The following FAM177B variants were observed in gnomAD, a reference collection of about 807,000 sequenced individuals.
FAM177B encodes the protein protein FAM177B.
A neutral mutation model predicts 16.1 loss-of-function variants in FAM177B; 16 were observed. The ratio of observed to expected loss-of-function variants is 0.99; its 90% CI spans 0.67 to 1.51. FAM177B has a LOEUF of 1.51. Among genes scored for constraint, FAM177B ranks in the 40% most tolerant of loss-of-function variants. The pLI is 0.00. For synonymous variants in FAM177B, 56 were observed against 59.9 expected, an observed-to-expected ratio of 0.93 and a Z score of 0.30; for missense variants, 178 against 183.7, an observed-to-expected ratio of 0.97 and a Z score of 0.18.
intron 2 of FAM177B, among the ~76,000 whole-genome samples, chr1:222,739,211 A>T (rs1658417813): frequency 6.6e-6 from 1 of 152,154 alleles, no homozygotes; most frequent in South Asian, 2.1e-4. Context: ...TTATTTTTAA[A>T]CTTTTGATAT....
Position 222,749,906 on chromosome 1 carries a change from T to C in FAM177B, c.340-15T>C. 3 of 1,613,786 alleles carry C rather than the reference T, an allele frequency of 1.9e-6. No individual in the cohort carries two copies. The South Asian group carries it at 3.3e-5, about 18-fold the overall frequency. ...TTTGTACAGTTAAACATTTCCTTAT[T>C]TCTCTCCAAAACAGAAAAGTGACAA... On this transcript the variant is annotated splice_polypyrimidine_tract_variant and intron_variant, in intron 5 of 5. Coordinates refer to ENST00000445590, the MANE Select transcript of FAM177B (RefSeq NM_001394345.1).
intron 4 of FAM177B, among the ~76,000 whole-genome samples, chr1:222,748,358 G>A (rs192780592): frequency 7.4e-4 from 113 of 152,328 alleles, no homozygotes; most frequent in African/African-American, 2.5e-3. Flanking sequence ...ATGGGATTGA[G>A]AGTATGGAGA....
Position 222,750,634 on chromosome 1 carries a change from A to G in FAM177B, c.*576A>G, listed in dbSNP as rs1659009052. 4.4e-6 allele frequency: 3 copies of G among 683,028 alleles called. No homozygotes were observed. The highest frequency in any genetic ancestry group is 5.4e-6 in the Non-Finnish European group (3 of 554,426). The allele number at this position is 683,028 out of a possible 1,614,324, so 42.3% of individuals were successfully genotyped here. A position where few individuals can be genotyped will look rare whatever the true frequency, so the allele number is the denominator to read the frequency against. On this transcript the variant is annotated 3_prime_UTR_variant, in exon 6 of 6. Coordinates refer to ENST00000445590, the MANE Select transcript of FAM177B (RefSeq NM_001394345.1). ...AATTAGGTACATCCCTCCAAATTAA[A>G]ACAATTGATAAATAATATAAGCTCT...
chr1:222,749,631 T>C, intron 5 of FAM177B, 69 bp downstream of exon 5: 1 of 917,010 alleles, frequency 1.1e-6, no homozygotes, highest in Non-Finnish European at 1.7e-6. Flanking sequence ...TTTAGGCCAG[T>C]ATAGAGAAGT....
Position 222,746,677 on chromosome 1 carries a change from A to G in FAM177B, c.132A>G (p.Glu44=). The change falls in exon 3 of 6, where the codon GAA becomes GAG. Residue 44 remains glutamate (E), a synonymous_variant. Coordinates refer to ENST00000445590, the MANE Select transcript of FAM177B (RefSeq NM_001394345.1). ...AATATAGCACAGAGGAGGAGGAGGA[A>G]GAGGAAAAGGAGGAGCAGAGCACAA... The part of the protein sequence containing the change: ...MEEYSTEEEE[E]EEKEEQSTNS... The G allele has an allele frequency of 6.2e-7, 1 of 1,613,590 alleles. No individual in the cohort carries two copies. Among genetic ancestry groups the G allele is most frequent in the Non-Finnish European group, 8.5e-7 (1 of 1,179,570 alleles).
Position 222,750,514 on chromosome 1 carries a change from C to T in FAM177B, c.*456C>T. The T allele has an allele frequency of 1.0e-6, 1 of 986,638 alleles. No homozygotes were observed. The highest frequency in any genetic ancestry group is 1.2e-6 in the Non-Finnish European group (1 of 830,802). The allele number at this position is 986,638 out of a possible 1,614,324, so 61.1% of individuals were successfully genotyped here. On this transcript the variant is annotated 3_prime_UTR_variant, in exon 6 of 6. Coordinates refer to ENST00000445590, the MANE Select transcript of FAM177B (RefSeq NM_001394345.1). ...CTTTCAGGATTTGATATAGTGTGTACTTCCAACAACCATCCTGGCGTAGTT... is the reference window on the plus strand; with the variant it reads ...CTTTCAGGATTTGATATAGTGTGTATTTCCAACAACCATCCTGGCGTAGTT...
Position 222,750,041 on chromosome 1 carries a change from G to A in FAM177B, c.460G>A (p.Glu154Lys), listed in dbSNP as rs1289032831. 3.1e-6 allele frequency: 5 copies of A among 1,613,674 alleles called. No individual in the cohort carries two copies. The South Asian group carries it at 3.3e-5, about 11-fold the overall frequency. Reference sequence around the variant, plus strand: ...TGGAACCATACAACAGGATGTGACAGAGGCCATTCCTCAGTGAAGCACCTC... The same window carrying A: ...TGGAACCATACAACAGGATGTGACAAAGGCCATTCCTCAGTGAAGCACCTC... The part of the protein sequence containing the change: ...EYGTIQQDVT[E>K]AIPQ Residue 154 changes from glutamate (E) to lysine (K), a missense_variant, in exon 6 of 6, where the codon GAG becomes AAG. Transcript: ENST00000445590.
Position 222,750,143 on chromosome 1 carries a change from G to A in FAM177B, c.*85G>A, listed in dbSNP as rs953477999. The stretch of plus-strand genomic sequence containing the variant: ...GCAGTTTCCCTGGATCTGTTCCTTG[G>A]CCATTGATTACCATGGCAACAACAC... On this transcript the variant is annotated 3_prime_UTR_variant, in exon 6 of 6. Coordinates refer to ENST00000445590, the MANE Select transcript of FAM177B (RefSeq NM_001394345.1). 1.3e-6 allele frequency: 2 copies of A among 1,546,068 alleles called. No homozygotes were observed.
At chr1:222,749,872 A>G in intron 5 of FAM177B, 49 bp from the exon 6 acceptor site, 1 of 1,595,822 alleles carries the variant, frequency 6.3e-7, no homozygotes, top group East Asian at 2.2e-5. Flanking sequence ...GGGAGTTCAG[A>G]GGTCTTTGTT....
chr1:222,744,354 C>A (rs1658692449), intron 2 of FAM177B, among the ~76,000 whole-genome samples: 1 of 151,938 alleles, frequency 6.6e-6, no homozygotes, highest in African/African-American at 2.4e-5. Context: ...TGCCTGTAGT[C>A]CCAGCTATTC....
Position 222,750,237 on chromosome 1 carries a change from T to C in FAM177B, c.*179T>C. The C allele has an allele frequency of 7.1e-7, 1 of 1,406,574 alleles. No homozygotes were observed. Among genetic ancestry groups the C allele is most frequent in the South Asian group, 1.8e-5 (1 of 56,886 alleles). The allele number at this position is 1,406,574 out of a possible 1,614,324, so 87.1% of individuals were successfully genotyped here. A position where few individuals can be genotyped will look rare whatever the true frequency, so the allele number is the denominator to read the frequency against. ...TGACTTAGTCTCAAGCATCCAGGAA[T>C]TACAAGCAATAATGAGAGTAATTTT... On this transcript the variant is annotated 3_prime_UTR_variant, in exon 6 of 6. Transcript: ENST00000445590.
At chr1:222,747,184 A>T (rs2125064715) in intron 4 of FAM177B, 103 bp downstream of exon 4, 1 of 801,190 alleles carries the variant, frequency 1.2e-6, no homozygotes, top group East Asian at 2.5e-5. Flanking sequence ...ACTCCATCGC[A>T]TCCTGAATAA....
In FAM177B at chr1:222,750,322, G is replaced by C. The variant is rs926323998; in HGVS notation, c.*264G>C. The C allele has an allele frequency of 1.6e-6, 2 of 1,256,966 alleles. No individual in the cohort carries two copies. The highest frequency in any genetic ancestry group is 2.0e-6 in the Non-Finnish European group (2 of 998,036). 77.9% of individuals were successfully genotyped at this position (1,256,966 alleles called of 1,614,324 possible). On this transcript the variant is annotated 3_prime_UTR_variant, in exon 6 of 6. Transcript: ENST00000445590. ...CACCCCACCTCAACTCCACCCCTGT[G>C]ATACAAGTCCCATGAGTACTGACAT...
chr1:222,739,033 A>G (rs1658410822), intron 2 of FAM177B, among the ~76,000 whole-genome samples: 1 of 152,192 alleles, frequency 6.6e-6, no homozygotes. Context: ...AAGAACGAAG[A>G]CTGGTATTTT....
intron 5 of FAM177B, 61 bp from the exon 6 acceptor site, chr1:222,749,860 G>C (rs1375668909): frequency 2.6e-6 from 4 of 1,545,642 alleles, no homozygotes; most frequent in Non-Finnish European, 3.6e-6. Flanking sequence ...ATATACAAGA[G>C]GGGGAGTTCA....
chr1:222,748,021 G>A (rs1000436359), intron 4 of FAM177B, among the ~76,000 whole-genome samples: 3 of 152,180 alleles, frequency 2.0e-5, no homozygotes, highest in African/African-American at 7.2e-5. Context: ...AAGTGTGGCT[G>A]GCTAAGGCTA....
rs745766139 is a variant in FAM177B, at chr1:222,737,323, G to GT, written c.-134+2dup. 6.6e-5 allele frequency: 10 copies of GT among 152,660 alleles called. No individual in the cohort carries two copies. Among genetic ancestry groups the GT allele is most frequent in the Non-Finnish European group, 1.3e-4 (9 of 68,266 alleles). The allele number at this position is 152,660 out of a possible 1,614,324, so 9.5% of individuals were successfully genotyped here. ...GTGGAATATGGAGTGTTCAGTGTTG[G>GT]TAAGTGCTAAGGAGAAAAAATGAAA... On this transcript the variant is annotated splice_donor_variant, in intron 1 of 5. Transcript: ENST00000445590. LOFTEE classifies it low-confidence loss of function (5UTR_SPLICE).
chr1:222,749,353 T>C (rs1284529481), intron 4 of FAM177B, 112 bp from the exon 5 acceptor site: 5 of 625,462 alleles, frequency 8.0e-6, no homozygotes, highest in Non-Finnish European at 1.4e-5. Flanking sequence ...TTAAGTATAG[T>C]AATAGACCAC....
At chr1:222,738,893 A>G (rs1658405293) in intron 2 of FAM177B, among the ~76,000 whole-genome samples, 1 of 152,226 alleles carries the variant, frequency 6.6e-6, no homozygotes, top group South Asian at 2.1e-4. Context: ...TCAGTAAACC[A>G]ACTGTGAGCT....
Sources: allele counts gnomAD v4.1 joint callset (sites outside exome capture counted in the v4.1 genomes callset), GRCh38; gene constraint gnomAD v4.1.1; transcripts MANE v1.5; gene names NCBI Gene and HGNC (gene_info 2026-07-23, HGNC 2026-07-21).